The following DCLK2 variants were observed in gnomAD, a reference collection of about 807,000 sequenced individuals.
The protein encoded by DCLK2 is doublecortin like kinase 2.
Under a neutral mutation model 78.4 loss-of-function variants are expected in DCLK2, and 31 were observed. The ratio of observed to expected loss-of-function variants is 0.40; its 90% CI spans 0.30 to 0.53. DCLK2 has a LOEUF of 0.53. Ranked by LOEUF, DCLK2 falls within the 20% of genes least tolerant of loss-of-function variation. DCLK2 has a pLI of 0.61. For synonymous variants in DCLK2, 407 were observed against 374.9 expected, an observed-to-expected ratio of 1.09 and a Z score of -0.99; for missense variants, 872 against 973.7, an observed-to-expected ratio of 0.90 and a Z score of 1.39.
chr4:150,138,814 T>C (rs942978447), intron 2 of DCLK2, among the ~76,000 whole-genome samples: 36 of 152,082 alleles, frequency 2.4e-4, no homozygotes, highest in Non-Finnish European at 2.6e-4. Flanking sequence ...TACAGGCGCC[T>C]GCCACCATGC....
chr4:150,247,669 C>G lies in DCLK2; in HGVS notation c.1845C>G (p.Pro615=). ...ILAGKLEFPA[P]YWDNITDSAK... ...CTGGGAAGCTGGAGTTTCCGGCCCC[C>G]TACTGGGATAACATCACGGACTCTG... Residue 615 remains proline (P), a synonymous_variant, in exon 13 of 16, where the codon CCC becomes CCG. Coordinates refer to ENST00000296550, the MANE Select transcript of DCLK2 (RefSeq NM_001040260.4). 6.2e-7 allele frequency: 1 copy of G among 1,614,094 alleles called. No homozygotes were observed. Among genetic ancestry groups the G allele is most frequent in the Non-Finnish European group, 8.5e-7 (1 of 1,180,008 alleles).
At chr4:150,207,162 G>A (rs1363990810) in intron 5 of DCLK2, among the ~76,000 whole-genome samples, 1 of 152,164 alleles carries the variant, frequency 6.6e-6, no homozygotes, top group Non-Finnish European at 1.5e-5. Context: ...TTGGGGGATA[G>A]ATAATCTTTT....
intron 2 of DCLK2, among the ~76,000 whole-genome samples, chr4:150,163,660 TAGAACTCAGTA>T (rs1325889479): frequency 6.6e-6 from 1 of 152,202 alleles, no homozygotes; most frequent in Non-Finnish European, 1.5e-5. Flanking sequence ...TCTCTGGCTT[TAGAACTCAGTA>T]AGAACTCAGT....
intron 5 of DCLK2, among the ~76,000 whole-genome samples, chr4:150,216,757 A>C (rs1035767315): frequency 3.9e-5 from 6 of 152,206 alleles, no homozygotes; most frequent in Admixed American, 2.6e-4. Context: ...ACCAGATCCC[A>C]GAGAAGACAC....
At chr4:150,111,535 G>A (rs1731691861) in intron 2 of DCLK2, among the ~76,000 whole-genome samples, 1 of 151,696 alleles carries the variant, frequency 6.6e-6, no homozygotes, top group African/African-American at 2.4e-5. Context: ...TGGGGTCTTA[G>A]TCACAATTTC....
intron 2 of DCLK2, among the ~76,000 whole-genome samples, chr4:150,157,226 A>G (rs1735352112): frequency 6.9e-6 from 1 of 145,318 alleles, no homozygotes. Flanking sequence ...AATGAGTTAT[A>G]TTTATTACTA....
intron 3 of DCLK2, among the ~76,000 whole-genome samples, chr4:150,195,408 T>TATATATA (rs1738923738): frequency 1.3e-4 from 1 of 7,596 alleles, no homozygotes; most frequent in African/African-American, 3.3e-4. Flanking sequence ...TATTATATAT[T>TATATATA]ATATATATTA....
chr4:150,149,064 A>G (rs1290795365), intron 2 of DCLK2, among the ~76,000 whole-genome samples: 1 of 150,424 alleles, frequency 6.6e-6, no homozygotes, highest in Non-Finnish European at 1.5e-5. Flanking sequence ...AAAGAAAGAA[A>G]TGGAGACCAT....
chr4:150,179,800 C>T (rs533172408), intron 2 of DCLK2, among the ~76,000 whole-genome samples: 20 of 152,108 alleles, frequency 1.3e-4, no homozygotes, highest in African/African-American at 3.9e-4. Flanking sequence ...CTAATAAAAC[C>T]GTGATTGTAA....
At chr4:150,110,624 C>T (rs11721351) in intron 2 of DCLK2, among the ~76,000 whole-genome samples, 57,512 of 151,696 alleles carry the variant, frequency 0.38, 11,122 homozygotes, top group Non-Finnish European at 0.42. Flanking sequence ...TTTTTAATCC[C>T]CTACCCCCTT....
intron 2 of DCLK2, among the ~76,000 whole-genome samples, chr4:150,124,419 C>A (rs1414556033): frequency 6.6e-6 from 1 of 151,796 alleles, no homozygotes; most frequent in Non-Finnish European, 1.5e-5. Flanking sequence ...AAATATTGTT[C>A]TTTTAGTTTG....
intron 2 of DCLK2, among the ~76,000 whole-genome samples, chr4:150,162,930 T>A (rs1179840883): frequency 4.6e-5 from 7 of 152,242 alleles, no homozygotes; most frequent in Admixed American, 4.6e-4. Flanking sequence ...CTCCTGGCCT[T>A]ATCATTTAGC....
At chr4:150,182,421 TGTCTGGAATAACGTTA>T (rs1385171986) in intron 2 of DCLK2, among the ~76,000 whole-genome samples, 1 of 152,064 alleles carries the variant, frequency 6.6e-6, no homozygotes, top group African/African-American at 2.4e-5. Context: ...GAAAGAGTCA[TGTCTGGAATAACGTTA>T]GTTACAATGT....
Position 150,184,986 on chromosome 4 carries a change from C to T in DCLK2, c.757-8152C>T, listed in dbSNP as rs559226223. ...TCCAGAGAAGATGATCTCTGTGTGT[C>T]CTCTTTTTTTTGTTTTGAGGAAAGG... is the stretch of plus-strand genomic sequence containing the variant. On this transcript the variant is annotated intron_variant, in intron 2 of 15. Transcript: ENST00000296550. Among the ~76,000 whole-genome samples, 15 of 152,186 alleles carry T rather than the reference C, an allele frequency of 9.9e-5. No homozygotes were observed. The East Asian group carries it at 2.5e-3, about 25-fold the overall frequency.
intron 1 of DCLK2, among the ~76,000 whole-genome samples, chr4:150,082,617 C>T (rs1420048630): frequency 6.6e-6 from 1 of 152,168 alleles, no homozygotes; most frequent in African/African-American, 2.4e-5. Context: ...GTCCTGTAAT[C>T]CTGTTTATTC....
chr4:150,092,913 C>G (rs1366197655), intron 1 of DCLK2, among the ~76,000 whole-genome samples: 1 of 152,142 alleles, frequency 6.6e-6, no homozygotes, highest in South Asian at 2.1e-4. Context: ...CCACTTCATT[C>G]AACCTAGTAC....
Position 150,079,604 on chromosome 4 carries a change from C to G in DCLK2, c.421+156C>G, listed in dbSNP as rs1037432591. Among the ~76,000 whole-genome samples the G allele has an allele frequency of 6.6e-5, 10 of 152,322 alleles. No individual in the cohort carries two copies. In the East Asian group the frequency reaches 1.7e-3, roughly 27 times the overall value. The stretch of plus-strand genomic sequence containing the variant: ...TCTAGAGATTGGCTGGGGGTGGGGG[C>G]CGGTGGGGTGCCCACATACACACTG... On this transcript the variant is annotated intron_variant, in intron 1 of 15. Transcript: ENST00000296550.
At chr4:150,125,892 A>G (rs144107105) in intron 2 of DCLK2, among the ~76,000 whole-genome samples, 91 of 152,164 alleles carry the variant, frequency 6.0e-4, no homozygotes, top group Non-Finnish European at 1.2e-3. Flanking sequence ...TTTTGTCTCA[A>G]AAAAAAACCA....
At chr4:150,112,005 A>G (rs1030926757) in intron 2 of DCLK2, among the ~76,000 whole-genome samples, 1 of 152,126 alleles carries the variant, frequency 6.6e-6, no homozygotes, top group African/African-American at 2.4e-5. Context: ...CTGTGAAAAA[A>G]TGATATTGGT....
Sources: allele counts gnomAD v4.1 joint callset (sites outside exome capture counted in the v4.1 genomes callset), GRCh38; gene constraint gnomAD v4.1.1; transcripts MANE v1.5; gene names NCBI Gene and HGNC (gene_info 2026-07-23, HGNC 2026-07-21).